Variants in GID4 observed in about 807,000 individuals in gnomAD.
GID4 encodes the protein glucose-induced degradation protein 4 homolog.
A neutral mutation model predicts 32.4 loss-of-function variants in GID4; 7 were observed. The ratio of observed to expected loss-of-function variants is 0.22; its 90% CI spans 0.12 to 0.41. GID4 has a LOEUF of 0.41. Ranked by LOEUF, GID4 falls within the 10% of genes least tolerant of loss-of-function variation. GID4 has a pLI of 1.00. For synonymous variants in GID4, 166 were observed against 170.0 expected (o/e 0.98, Z 0.18); for missense variants, 309 against 400.0 (o/e 0.77, Z 1.94).
intron 3 of GID4, among the ~76,000 whole-genome samples, chr17:18,058,335 G>T (rs551543715): frequency 6.6e-6 from 1 of 152,100 alleles, no homozygotes; most frequent in East Asian, 1.9e-4. Flanking sequence ...GTATTCATGG[G>T]GGTCCTGGAA....
intron 2 of GID4, among the ~76,000 whole-genome samples, chr17:18,053,352 C>G (rs1289811475): frequency 1.3e-5 from 2 of 150,802 alleles, no homozygotes; most frequent in South Asian, 4.2e-4. Context: ...GTGGCTCACA[C>G]CTGTAATCCT....
At chr17:18,049,502 T>C (rs567479521) in intron 2 of GID4, among the ~76,000 whole-genome samples, 3 of 152,298 alleles carry the variant, frequency 2.0e-5, no homozygotes, top group East Asian at 1.9e-4. Flanking sequence ...GATAAACTTA[T>C]GTCACGGTTT....
intron 5 of GID4, among the ~76,000 whole-genome samples, chr17:18,062,899 C>T (rs1351554844): frequency 1.3e-5 from 2 of 149,690 alleles, no homozygotes; most frequent in African/African-American, 2.5e-5. Context: ...CACGGTGAAA[C>T]CCCGTCTCTA....
At chr17:18,057,999 A>AT (rs2044985363) in intron 3 of GID4, among the ~76,000 whole-genome samples, 1 of 151,868 alleles carries the variant, frequency 6.6e-6, no homozygotes, top group African/African-American at 2.4e-5. Flanking sequence ...CACCCAACTA[A>AT]TTTTTTCATA....
chr17:18,053,867 A>G (rs910550875), intron 2 of GID4, among the ~76,000 whole-genome samples: 1 of 152,210 alleles, frequency 6.6e-6, no homozygotes, highest in African/African-American at 2.4e-5. Flanking sequence ...CTAAGAGACT[A>G]GCATGTAACA....
intron 3 of GID4, among the ~76,000 whole-genome samples, chr17:18,057,920 G>A (rs939745792): frequency 3.3e-5 from 5 of 151,658 alleles, no homozygotes; most frequent in Admixed American, 6.6e-5. Context: ...TGCAAGCTCC[G>A]CCTCCCGGGT....
intron 5 of GID4, chr17:18,062,253 C>T (rs574308261): frequency 1.9e-4 from 61 of 315,984 alleles, no homozygotes; most frequent in Non-Finnish European, 3.4e-4. Context: ...ATGTTTATCT[C>T]AATCTTGCTG....
At chr17:18,058,378 A>C (rs1421820679) in intron 3 of GID4, among the ~76,000 whole-genome samples, 1 of 152,186 alleles carries the variant, frequency 6.6e-6, no homozygotes, top group East Asian at 1.9e-4. Flanking sequence ...GGACAAGGCT[A>C]TCATGTGTTT....
intron 5 of GID4, among the ~76,000 whole-genome samples, chr17:18,062,459 A>G (rs533358479): frequency 2.4e-4 from 37 of 152,304 alleles, no homozygotes; most frequent in African/African-American, 8.4e-4. Context: ...TGTGTCACCA[A>G]TAGTAAAGGA....
intron 2 of GID4, 33 bp from the exon 3 acceptor site, chr17:18,054,094 C>G: frequency 8.3e-7 from 1 of 1,202,244 alleles, no homozygotes; most frequent in East Asian, 2.4e-5. Flanking sequence ...TCTCACTCAA[C>G]ATCTTATTTT....
chr17:18,053,009 C>CTTTTTTTT (rs71155312), intron 2 of GID4, among the ~76,000 whole-genome samples: 3 of 83,272 alleles, frequency 3.6e-5, no homozygotes, highest in African/African-American at 4.9e-5. Context: ...AAAGTATTTA[C>CTTTTTTTT]TTTTTTTTTT....
At chr17:18,046,477 G>A (rs115654101) in intron 2 of GID4, among the ~76,000 whole-genome samples, 3,368 of 152,174 alleles carry the variant, frequency 0.022, 55 homozygotes, top group African/African-American at 0.027. Flanking sequence ...GCATGGTGTT[G>A]TGTGCCTGTA....
At chr17:18,055,248 G>C (rs1310349201) in intron 3 of GID4, among the ~76,000 whole-genome samples, 1 of 150,310 alleles carries the variant, frequency 6.7e-6, no homozygotes, top group Non-Finnish European at 1.5e-5. Flanking sequence ...GTGAATTTTT[G>C]TTTAACATTG....
At chr17:18,041,323 A>G (rs2145544689) in intron 1 of GID4, among the ~76,000 whole-genome samples, 1 of 152,280 alleles carries the variant, frequency 6.6e-6, no homozygotes, top group South Asian at 2.1e-4. Context: ...TCCCATCCAA[A>G]AGACAATGAG....
Position 18,061,710 on chromosome 17 carries a change from C to T in GID4, c.709-135C>T. On this transcript the variant is annotated intron_variant, in intron 4 of 5. Coordinates refer to ENST00000268719, the MANE Select transcript of GID4 (RefSeq NM_024052.5). This position sits in a 1 kb window ranked among gnomAD's most constrained non-coding sequence, Gnocchi z 4.4. The stretch of plus-strand genomic sequence containing the variant: ...GAGACCCCACGGGCCCGCCATCACC[C>T]AGCAAGTCTAGGTTAGACTATGAGA... 1.2e-6 allele frequency: 1 copy of T among 821,930 alleles called. No individual in the cohort carries two copies. Among genetic ancestry groups the T allele is most frequent in the Non-Finnish European group, 2.0e-6 (1 of 506,824 alleles). The allele number at this position is 821,930 out of a possible 1,614,324, so 50.9% of individuals were successfully genotyped here.
intron 3 of GID4, chr17:18,056,928 C>T (rs1475808395): frequency 3.9e-6 from 6 of 1,550,614 alleles, no homozygotes; most frequent in South Asian, 1.2e-5. Context: ...CAGGTTCCCA[C>T]GTGGGACTCC....
chr17:18,042,132 TTTTG>T (rs1476201111), intron 1 of GID4, among the ~76,000 whole-genome samples: 4 of 152,250 alleles, frequency 2.6e-5, no homozygotes, highest in African/African-American at 9.6e-5. Context: ...CTCAGCTTCT[TTTTG>T]TTTGTTTTGT....
At chr17:18,053,492 A>G (rs1373744842) in intron 2 of GID4, among the ~76,000 whole-genome samples, 1 of 152,026 alleles carries the variant, frequency 6.6e-6, no homozygotes, top group African/African-American at 2.4e-5. Flanking sequence ...AGCCAACTGT[A>G]ATCCCAACTA....
In GID4 at chr17:18,061,386, A is replaced by C. The variant is rs993640390; in HGVS notation, c.709-459A>C. On this transcript the variant is annotated intron_variant, in intron 4 of 5. Transcript: ENST00000268719. The surrounding 1 kb of genome is among the most constrained non-coding windows in gnomAD (Gnocchi z 4.4). ...CAGGGGCTACTGGCAACTGCTTTGC[A>C]CTCAGAATGGTCCACAGACCTACAG... is the stretch of plus-strand genomic sequence containing the variant. Among the ~76,000 whole-genome samples the C allele has an allele frequency of 6.6e-6, 1 of 152,162 alleles. No individual in the cohort carries two copies. The highest frequency in any genetic ancestry group is 6.5e-5 in the Admixed American group (1 of 15,272).
Sources: gnomAD v4.1 joint callset for allele counts (sites outside exome capture counted in the v4.1 genomes callset) on GRCh38, gnomAD v4.1.1 for gene constraint, Gnocchi (gnomAD v3.1) non-coding constraint, MANE v1.5 for transcripts, NCBI Gene and HGNC (gene_info 2026-07-23, HGNC 2026-07-21) for gene names.